MIDN: variants seen among roughly 807,000 people sequenced by gnomAD.
MIDN encodes the protein midbrain nucleolar protein.
Under a neutral mutation model 46.1 loss-of-function variants are expected in MIDN, and 26 were observed. The ratio of observed to expected loss-of-function variants is 0.56; its 90% CI spans 0.41 to 0.78. The LOEUF (loss-of-function observed/expected upper bound fraction) is 0.78, where lower values mean the gene tolerates loss of function less well. Among genes scored for constraint, MIDN ranks in the 30% least tolerant of loss-of-function variants. The pLI, the probability that MIDN is intolerant of heterozygous loss-of-function variation, is 0.00. For synonymous variants in MIDN, 432 were observed against 343.3 expected, an observed-to-expected ratio of 1.26 and a Z score of -2.86; for missense variants, 850 against 771.8, an observed-to-expected ratio of 1.10 and a Z score of -1.20.
rs574679081 is a variant in MIDN at position 1,251,013 on chromosome 19, C to T, written c.233+484C>T. On this transcript the variant is annotated intron_variant, in intron 2 of 8. Coordinates refer to ENST00000682408, the MANE Select transcript of MIDN (RefSeq NM_001388306.1). The stretch of plus-strand genomic sequence containing the variant: ...GGCCCGGAGCCCTCCCCCCGCGGGC[C>T]TCCGGGGACACGCAGTGTCCATCCC... Among the ~76,000 whole-genome samples, 14 of 151,836 alleles carry T rather than the reference C, an allele frequency of 9.2e-5. No homozygotes were observed. The East Asian group carries it at 2.4e-3, about 26-fold the overall frequency.
chr19:1,254,178 C>A lies in MIDN; in HGVS notation c.525C>A (p.Phe175Leu), dbSNP rs1261868352. The A allele has an allele frequency of 6.3e-7, 1 of 1,596,422 alleles. No individual in the cohort carries two copies. Among genetic ancestry groups the A allele is most frequent in the Non-Finnish European group, 8.5e-7 (1 of 1,176,834 alleles). Residue 175 changes from phenylalanine (F) to leucine (L), a missense_variant, in exon 6 of 9, where the codon TTC becomes TTA. Coordinates refer to ENST00000682408, the MANE Select transcript of MIDN (RefSeq NM_001388306.1). Reference sequence around the variant, plus strand: ...CGCTCTCCTTGCAGGTCAGTGACTTCCTGTCGGGCCGTTCGCCACTGACAC... The same window carrying A: ...CGCTCTCCTTGCAGGTCAGTGACTTACTGTCGGGCCGTTCGCCACTGACAC... ...RGGERPQVSDFLSGRSPLTLA... is the reference protein window; with the variant it reads ...RGGERPQVSDLLSGRSPLTLA...
chr19:1,251,809 C>A, intron 3 of MIDN, 30 bp from the exon 4 acceptor site: 1 of 1,607,312 alleles, frequency 6.2e-7, no homozygotes, highest in Non-Finnish European at 8.5e-7. Context: ...CGACCCCACA[C>A]TCAGGCCCCT....
chr19:1,254,804 A>G lies in MIDN; in HGVS notation c.826-98A>G, dbSNP rs978912184. The G allele has an allele frequency of 3.6e-6, 5 of 1,379,418 alleles. No homozygotes were observed. In the African/African-American group the frequency reaches 5.8e-5, roughly 16 times the overall value. 85.4% of individuals were successfully genotyped at this position (1,379,418 alleles called of 1,614,324 possible). On this transcript the variant is annotated intron_variant, in intron 6 of 8. Transcript: ENST00000682408. ...TCTCTAAACCCTGTGTTGACAGGTC[A>G]TCTCCTGACCTGGGCTGGTGGGTGA...
rs61742309 is a variant in MIDN at position 1,255,564 on chromosome 19, C to T, written c.1128C>T (p.His376=). The change falls in exon 8 of 9, where the codon CAC becomes CAT. Residue 376 remains histidine (H), a synonymous_variant. Coordinates refer to ENST00000682408, the MANE Select transcript of MIDN (RefSeq NM_001388306.1). ...MPPSLAQLRC[H]AQCSPASPAP... ...CTTCGCTGGCCCAGCTCCGCTGCCA[C>T]GCCCAGTGCTCCCCGGCCTCACCGG... 1.1e-3 allele frequency: 1,817 copies of T among 1,611,886 alleles called. 10 individuals carry two copies. The Middle Eastern group carries it at 0.021, about 19-fold the overall frequency.
chr19:1,254,104 G>GC (rs1568788078), intron 5 of MIDN, 22 bp downstream of exon 5: 1 of 1,539,874 alleles, frequency 6.5e-7, no homozygotes, highest in Admixed American at 1.9e-5. Flanking sequence ...GGGGGACTGG[G>GC]CCGGGCTGGG....
intron 2 of MIDN, among the ~76,000 whole-genome samples, chr19:1,250,839 C>T (rs2081117052): frequency 6.6e-6 from 1 of 152,024 alleles, no homozygotes; most frequent in African/African-American, 2.4e-5. Context: ...CCCCCTCCCG[C>T]CTGCGTCCGC....
At chr19:1,251,939 T>C in intron 4 of MIDN, 38 bp downstream of exon 4, 1 of 1,584,204 alleles carries the variant, frequency 6.3e-7, no homozygotes, top group Non-Finnish European at 8.7e-7. Flanking sequence ...AGGGCAGCCC[T>C]GGGAGCAGGG....
At position 1,255,556 on chromosome 19, in the gene MIDN, C is replaced by T. The variant is rs763911167; in HGVS notation, c.1120C>T (p.Arg374Cys). The change falls in exon 8 of 9, where the codon CGC becomes TGC. Residue 374 changes from arginine (R) to cysteine (C), a missense_variant. By Grantham distance (180) the Arg-to-Cys change is radical (BLOSUM62 -3). Coordinates refer to ENST00000682408, the MANE Select transcript of MIDN (RefSeq NM_001388306.1). The part of the protein sequence containing the change: ...QGMPPSLAQL[R>C]CHAQCSPASP... ...CATGCCCCCTTCGCTGGCCCAGCTC[C>T]GCTGCCACGCCCAGTGCTCCCCGGC... The T allele has an allele frequency of 7.4e-6, 12 of 1,611,824 alleles. No homozygotes were observed. Among genetic ancestry groups the T allele is most frequent in the Admixed American group, 6.7e-5 (4 of 59,962 alleles).
At chr19:1,253,822 A>C in intron 4 of MIDN, 132 bp from the exon 5 acceptor site, 2 of 643,250 alleles carry the variant, frequency 3.1e-6, no homozygotes, top group Non-Finnish European at 4.4e-6. Context: ...GGGAAAGGCA[A>C]AGTGAAGGTT....
chr19:1,254,853 G>C (rs778218145), intron 6 of MIDN, 49 bp from the exon 7 acceptor site: 11 of 1,552,568 alleles, frequency 7.1e-6, no homozygotes, highest in Middle Eastern at 1.9e-4. Flanking sequence ...GGTTGCTGGT[G>C]ATCCCCTGAT....
At chr19:1,253,421 AC>A (rs59156314) in intron 4 of MIDN, among the ~76,000 whole-genome samples, 73,989 of 144,538 alleles carry the variant, frequency 0.51, 18,954 homozygotes, top group African/African-American at 0.63. Context: ...AACCTCCGCC[AC>A]CCCCCCCCCC....
In MIDN at chr19:1,257,319, GGCGGGGACTCCGA is replaced by G. The variant is rs768047262; in HGVS notation, c.*49_*61del. 1 of 1,560,394 alleles carries G rather than the reference GGCGGGGACTCCGA, an allele frequency of 6.4e-7. No individual in the cohort carries two copies. Among genetic ancestry groups the G allele is most frequent in the South Asian group, 1.1e-5 (1 of 89,314 alleles). Reference sequence around the variant, plus strand: ...CGCCCCTCGCACCCCAGCCCAGGGCGGCGGGGACTCCGAGAGCCCCGGAGAGAACGTGGCCCAG... The same window carrying G: ...CGCCCCTCGCACCCCAGCCCAGGGCGGAGCCCCGGAGAGAACGTGGCCCAG... On this transcript the variant is annotated 3_prime_UTR_variant, in exon 9 of 9. Transcript: ENST00000682408.
rs1333492951 is a variant in MIDN at position 1,257,109 on chromosome 19, C to T, written c.1373C>T (p.Pro458Leu). The change falls in exon 9 of 9, where the codon CCG becomes CTG. Residue 458 changes from proline to leucine, a missense_variant. Physicochemically the swap from Pro to Leu is moderately conservative, Grantham distance 98 (BLOSUM62 -3). Transcript: ENST00000682408. ...RRKARRDARG[P>L]YHWSPSRKAG... Reference sequence around the variant, plus strand: ...AAGGCCCGGCGGGACGCGCGGGGTCCGTACCACTGGTCACCCAGCCGCAAG... The same window carrying T: ...AAGGCCCGGCGGGACGCGCGGGGTCTGTACCACTGGTCACCCAGCCGCAAG... 8 of 1,611,834 alleles carry T rather than the reference C, an allele frequency of 5.0e-6. No homozygotes were observed. Among genetic ancestry groups the T allele is most frequent in the Admixed American group, 1.7e-5 (1 of 59,948 alleles).
chr19:1,251,725 C>G (rs2081130922), intron 3 of MIDN, 76 bp downstream of exon 3: 1 of 1,519,916 alleles, frequency 6.6e-7, no homozygotes, highest in East Asian at 2.4e-5. Context: ...TACCTGTCCG[C>G]ACACACACTA....
At chr19:1,249,517 C>T (rs1009943417) in intron 1 of MIDN, among the ~76,000 whole-genome samples, 1 of 149,876 alleles carries the variant, frequency 6.7e-6, no homozygotes, top group East Asian at 2.0e-4. Flanking sequence ...GGTACCAGAC[C>T]CGTCTCCAGA....
At chr19:1,252,046 C>T (rs991590409) in intron 4 of MIDN, 145 bp downstream of exon 4, 21 of 667,704 alleles carry the variant, frequency 3.1e-5, no homozygotes, top group South Asian at 7.0e-5. Flanking sequence ...CCAGCCTGGC[C>T]TGGCCTCCCC....
At chr19:1,249,558 G>A (rs1336433954) in intron 1 of MIDN, among the ~76,000 whole-genome samples, 4 of 149,266 alleles carry the variant, frequency 2.7e-5, no homozygotes, top group South Asian at 2.2e-4. Flanking sequence ...GGGCGCGCCC[G>A]CCCTTTGTTG....
At chr19:1,250,579 G>C (rs780806831) in intron 2 of MIDN, 50 bp downstream of exon 2, 1 of 1,034,286 alleles carries the variant, frequency 9.7e-7, no homozygotes, top group Non-Finnish European at 1.2e-6. Context: ...CCCGGCCCCC[G>C]GGCGGGAACA....
At position 1,250,069 on chromosome 19, in the gene MIDN, A is replaced by G. The variant is rs1279890331; in HGVS notation, c.-228A>G. 1.3e-5 allele frequency: 2 copies of G among 150,746 alleles called. No individual in the cohort carries two copies. Among genetic ancestry groups the G allele is most frequent in the Non-Finnish European group, 2.9e-5 (2 of 67,834 alleles). The allele number at this position is 150,746 out of a possible 1,614,324, so 9.3% of individuals were successfully genotyped here. A position where few individuals can be genotyped will look rare whatever the true frequency, so the allele number is the denominator to read the frequency against. On this transcript the variant is annotated 5_prime_UTR_variant, in exon 2 of 9. Coordinates refer to ENST00000682408, the MANE Select transcript of MIDN (RefSeq NM_001388306.1). ...TGAAGGAGAAGCAAGTGCCGTCCCCACCCCCGGAAGGCGCCCCCAGGAGCC... is the reference window on the plus strand; with the variant it reads ...TGAAGGAGAAGCAAGTGCCGTCCCCGCCCCCGGAAGGCGCCCCCAGGAGCC...
Sources: gnomAD v4.1 joint callset for allele counts (sites outside exome capture counted in the v4.1 genomes callset) on GRCh38, gnomAD v4.1.1 for gene constraint, MANE v1.5 for transcripts, NCBI Gene and HGNC (gene_info 2026-07-23, HGNC 2026-07-21) for gene names.